Variants in ZNF680 observed in about 807,000 individuals in gnomAD.
ZNF680 encodes the protein zinc finger protein 680, also known as hypothetical protein FLJ90430.
Under a neutral mutation model 12.1 loss-of-function variants are expected in ZNF680, and 6 were observed. The ratio of observed to expected loss-of-function variants is 0.49; its 90% CI spans 0.27 to 0.98. ZNF680 has a LOEUF of 0.98. Among genes scored for constraint, ZNF680 ranks in the 50% least tolerant of loss-of-function variants. The probability of loss-of-function intolerance (pLI) is 0.12; values close to 1 mark genes in which losing one functional copy is unlikely to be tolerated. For synonymous variants in ZNF680, 170 were observed against 199.3 expected, an observed-to-expected ratio of 0.85 and a Z score of 1.24; for missense variants, 561 against 616.3, an observed-to-expected ratio of 0.91 and a Z score of 0.95.
intron 1 of ZNF680, among the ~76,000 whole-genome samples, chr7:64,547,218 CCT>C (rs1786833446): frequency 6.6e-6 from 1 of 152,076 alleles, no homozygotes; most frequent in Admixed American, 6.6e-5. Context: ...TTAAACAAAT[CCT>C]CTGTCAATGC....
Position 64,521,035 on chromosome 7 carries a change from A to G in ZNF680, c.*126T>C, listed in dbSNP as rs1454164554. 4.6e-6 allele frequency: 5 copies of G among 1,076,316 alleles called. No individual in the cohort carries two copies. The highest frequency in any genetic ancestry group is 6.6e-6 in the Non-Finnish European group (5 of 757,178). 66.7% of individuals were successfully genotyped at this position (1,076,316 alleles called of 1,614,324 possible). ...GTTTTGTCACATTCTTTACACTTAT[A>G]AAGTTTTCTCCAATATAAATTATCT... On this transcript the variant is annotated 3_prime_UTR_variant, in exon 4 of 4. Coordinates refer to ENST00000309683, the MANE Select transcript of ZNF680 (RefSeq NM_178558.5).
the ZNF680 span, among the ~76,000 whole-genome samples, chr7:64,510,977 A>G: frequency 6.7e-6 from 1 of 149,446 alleles, no homozygotes; most frequent in Non-Finnish European, 1.5e-5. Flanking sequence ...CTAACTTAAA[A>G]ACCTAAAACA....
intron 3 of ZNF680, among the ~76,000 whole-genome samples, chr7:64,535,506 T>C (rs537121562): frequency 6.6e-6 from 1 of 152,082 alleles, no homozygotes; most frequent in African/African-American, 2.4e-5. Context: ...TAAAAAAGCA[T>C]ACAATATGTT....
the ZNF680 span, chr7:64,501,184 CTT>C: frequency 1.1e-6 from 1 of 872,498 alleles, no homozygotes. Flanking sequence ...CAGCTCCTCT[CTT>C]GACTTGGACT....
intron 3 of ZNF680, chr7:64,526,260 A>T: frequency 4.4e-6 from 5 of 1,130,750 alleles, no homozygotes; most frequent in Non-Finnish European, 5.4e-6. Flanking sequence ...CCAAATTTTG[A>T]TGCAGTAATA....
At chr7:64,508,138 TATATAC>T in the ZNF680 span, among the ~76,000 whole-genome samples, 1 of 111,612 alleles carries the variant, frequency 9.0e-6, no homozygotes, top group African/African-American at 3.6e-5. Context: ...TATATATATA[TATATAC>T]ATAATTTTTT....
At position 64,521,735 on chromosome 7, in the gene ZNF680, T is replaced by C. The variant is rs753770563; in HGVS notation, c.1019A>G (p.His340Arg). ...TTTCTCTCCAGTATGAATTTTCTTATGTTTAGTAAGGTTTGAAAACTGGTT... is the reference window on the plus strand; with the variant it reads ...TTTCTCTCCAGTATGAATTTTCTTACGTTTAGTAAGGTTTGAAAACTGGTT... Reference protein sequence around the residue: ...DFNQFSNLTKHKKIHTGEKPY... With the variant: ...DFNQFSNLTKRKKIHTGEKPY... The change falls in exon 4 of 4, where the codon CAT becomes CGT. Residue 340 changes from histidine to arginine, a missense_variant. By Grantham distance (29) the His-to-Arg change is conservative (BLOSUM62 0). Transcript: ENST00000309683. 2.1e-5 allele frequency: 34 copies of C among 1,612,686 alleles called. No homozygotes were observed. The highest frequency in any genetic ancestry group is 2.1e-4 in the South Asian group (19 of 91,066).
At chr7:64,524,138 CAAA>C (rs1791702219) in intron 3 of ZNF680, among the ~76,000 whole-genome samples, 1 of 144,544 alleles carries the variant, frequency 6.9e-6, no homozygotes, top group African/African-American at 2.7e-5. Context: ...TCCAAAGAGA[CAAA>C]GAAGAATTTT....
At chr7:64,499,142 C>T in the ZNF680 span, among the ~76,000 whole-genome samples, 34,308 of 151,978 alleles carry the variant, frequency 0.23, 4,066 homozygotes, top group South Asian at 0.29. Context: ...TAACAAAATA[C>T]ACCCACTAAA....
chr7:64,521,919 A>G lies in ZNF680; in HGVS notation c.835T>C (p.Ser279Pro). The change falls in exon 4 of 4, where the codon TCA becomes CCA. Residue 279 changes from serine (S) to proline (P), a missense_variant. Transcript: ENST00000309683. ...ATTATCTTATGTTTACTAAGGATTG[A>G]GAATAAACTAAAGGCTTTGCCACAT... ...EECGKAFSLFSILSKHKIIHT... is the reference protein window; with the variant it reads ...EECGKAFSLFPILSKHKIIHT... 1 of 1,613,014 alleles carries G rather than the reference A, an allele frequency of 6.2e-7. No homozygotes were observed. The highest frequency in any genetic ancestry group is 8.5e-7 in the Non-Finnish European group (1 of 1,179,594).
At chr7:64,530,167 C>T (rs1785786096) in intron 3 of ZNF680, among the ~76,000 whole-genome samples, 2 of 152,086 alleles carry the variant, frequency 1.3e-5, no homozygotes, top group Admixed American at 1.3e-4. Context: ...AATCTTGAAA[C>T]AAATTTTGGA....
intron 3 of ZNF680, among the ~76,000 whole-genome samples, chr7:64,541,711 C>T (rs1786511764): frequency 6.6e-6 from 1 of 152,198 alleles, no homozygotes; most frequent in Admixed American, 6.5e-5. Context: ...TTTGGTCCCA[C>T]TGAGAATTCT....
Position 64,544,429 on chromosome 7 carries a change from G to T in ZNF680, c.34C>A (p.Pro12Thr). Residue 12 changes from proline to threonine, a missense_variant, in exon 2 of 4, where the codon CCA (proline) becomes ACA (threonine). Coordinates refer to ENST00000309683, the MANE Select transcript of ZNF680 (RefSeq NM_178558.5). The part of the protein sequence containing the change: ...PGPPGSLEMG[P>T]LTFRDVAIEF... Reference sequence around the variant, plus strand: ...ATGGCCACATCCCTAAATGTCAGTGGTCCCTGAAAAACACACACACACACA... The same window carrying T: ...ATGGCCACATCCCTAAATGTCAGTGTTCCCTGAAAAACACACACACACACA... 1 of 1,583,732 alleles carries T rather than the reference G, an allele frequency of 6.3e-7. No homozygotes were observed. The highest frequency in any genetic ancestry group is 8.6e-7 in the Non-Finnish European group (1 of 1,167,356).
At chr7:64,512,511 T>G in the ZNF680 span, among the ~76,000 whole-genome samples, 1 of 151,120 alleles carries the variant, frequency 6.6e-6, no homozygotes, top group Non-Finnish European at 1.5e-5. Flanking sequence ...ATGACTTTTC[T>G]CCACTGTGCC....
intron 1 of ZNF680, among the ~76,000 whole-genome samples, chr7:64,557,277 C>G (rs1307597910): frequency 6.7e-6 from 1 of 148,498 alleles, no homozygotes. Flanking sequence ...TACCATAAGG[C>G]CAGGCGCAGT....
chr7:64,526,368 C>A, intron 3 of ZNF680: 1 of 1,320,134 alleles, frequency 7.6e-7, no homozygotes, highest in South Asian at 2.3e-5. Flanking sequence ...TGTTATGATT[C>A]ATTATGACTA....
the ZNF680 span, among the ~76,000 whole-genome samples, chr7:64,514,106 C>G: frequency 6.6e-6 from 1 of 152,088 alleles, no homozygotes; most frequent in Non-Finnish European, 1.5e-5. Flanking sequence ...TTCACAAGAT[C>G]AAATTTCAGT....
chr7:64,520,818 C>A lies in ZNF680; in HGVS notation c.*343G>T. On this transcript the variant is annotated 3_prime_UTR_variant, in exon 4 of 4. Transcript: ENST00000309683. ...TGTCTTCAAAATAAACACGCTTCTT[C>A]ACTTTAAAGTGTTATGTTTTCTGAA... is the stretch of plus-strand genomic sequence containing the variant. The A allele has an allele frequency of 5.3e-6, 1 of 189,456 alleles. No individual in the cohort carries two copies. The highest frequency in any genetic ancestry group is 1.5e-4 in the East Asian group (1 of 6,874). The allele number at this position is 189,456 out of a possible 1,614,324, so 11.7% of individuals were successfully genotyped here.
chr7:64,515,342 C>G (rs1485581949), downstream of ZNF680, among the ~76,000 whole-genome samples: 3 of 151,870 alleles, frequency 2.0e-5, no homozygotes, highest in South Asian at 2.1e-4. Flanking sequence ...TAGCACCCCC[C>G]CCTAAAAAAT....
Sources: allele counts gnomAD v4.1 joint callset (sites outside exome capture counted in the v4.1 genomes callset), GRCh38; gene constraint gnomAD v4.1.1; transcripts MANE v1.5; gene names NCBI Gene and HGNC (gene_info 2026-07-23, HGNC 2026-07-21).